Variants in AKAP19 observed in about 807,000 individuals in gnomAD.
AKAP19 encodes small A-kinase anchoring protein.
the AKAP19 span, among the ~76,000 whole-genome samples, chr2:189,910,617 C>T: frequency 6.6e-6 from 1 of 151,900 alleles, no homozygotes; most frequent in African/African-American, 2.4e-5. Flanking sequence ...TCTCCCCCCA[C>T]CACCATCTCT....
the AKAP19 span, among the ~76,000 whole-genome samples, chr2:189,929,945 T>C: frequency 6.6e-6 from 1 of 152,218 alleles, no homozygotes; most frequent in South Asian, 2.1e-4. Flanking sequence ...CTTTTGCTTA[T>C]CTTCAGTACA....
chr2:190,047,476 G>A, the AKAP19 span, among the ~76,000 whole-genome samples: 1 of 152,318 alleles, frequency 6.6e-6, no homozygotes, highest in South Asian at 2.1e-4. Flanking sequence ...CAGGACAAGT[G>A]TCAACTGGGT....
the AKAP19 span, among the ~76,000 whole-genome samples, chr2:190,188,240 A>G: frequency 1.3e-5 from 2 of 152,368 alleles, no homozygotes; most frequent in South Asian, 2.1e-4. Flanking sequence ...TAGACACTCA[A>G]TATAGACTGG....
At chr2:189,927,316 A>T in the AKAP19 span, among the ~76,000 whole-genome samples, 1 of 152,200 alleles carries the variant, frequency 6.6e-6, no homozygotes, top group African/African-American at 2.4e-5. Flanking sequence ...TATATTATAC[A>T]CTTTTGGTCA....
the AKAP19 span, among the ~76,000 whole-genome samples, chr2:189,982,411 G>T: frequency 6.6e-6 from 1 of 151,708 alleles, no homozygotes; most frequent in Non-Finnish European, 1.5e-5. Flanking sequence ...CATTTTTCTG[G>T]TTGGTTTGTA....
the AKAP19 span, among the ~76,000 whole-genome samples, chr2:190,030,379 T>G: frequency 6.6e-6 from 1 of 152,234 alleles, no homozygotes; most frequent in African/African-American, 2.4e-5. Context: ...TTCCAGGCTC[T>G]TCTGTTTCTG....
chr2:190,066,290 G>A, the AKAP19 span, among the ~76,000 whole-genome samples: 1 of 152,072 alleles, frequency 6.6e-6, no homozygotes, highest in East Asian at 1.9e-4. Context: ...AAACAATGTT[G>A]AGGGTATAAA....
At chr2:190,017,064 C>T in the AKAP19 span, among the ~76,000 whole-genome samples, 1 of 152,082 alleles carries the variant, frequency 6.6e-6, no homozygotes, top group Non-Finnish European at 1.5e-5. Context: ...TACAGTTTGA[C>T]TTGAAGTCTG....
At chr2:189,904,509 T>C in the AKAP19 span, among the ~76,000 whole-genome samples, 72 of 152,166 alleles carry the variant, frequency 4.7e-4, no homozygotes, top group African/African-American at 1.7e-3. Context: ...GGGAAAAGGG[T>C]ACGTTACTGG....
the AKAP19 span, among the ~76,000 whole-genome samples, chr2:190,013,359 G>C: frequency 1.3e-5 from 2 of 151,966 alleles, no homozygotes; most frequent in South Asian, 2.1e-4. Flanking sequence ...GTCTAGGAAT[G>C]TATTTCTTCT....
chr2:190,203,428 A>G, the AKAP19 span: 9 of 166,818 alleles, frequency 5.4e-5, no homozygotes, highest in Non-Finnish European at 1.0e-4. Flanking sequence ...TTTTCCAAAT[A>G]TTTTTCTGAA....
At chr2:190,054,570 T>A in the AKAP19 span, among the ~76,000 whole-genome samples, 6 of 152,020 alleles carry the variant, frequency 3.9e-5, no homozygotes, top group Non-Finnish European at 8.8e-5. Context: ...GGGAGAAAAT[T>A]TTTGCAACCT....
At chr2:189,985,932 T>A in the AKAP19 span, among the ~76,000 whole-genome samples, 1 of 152,162 alleles carries the variant, frequency 6.6e-6, no homozygotes, top group African/African-American at 2.4e-5. Context: ...ATTATCTACT[T>A]GGGTGTCCTC....
chr2:189,920,950 A>G, the AKAP19 span, among the ~76,000 whole-genome samples: 3 of 152,116 alleles, frequency 2.0e-5, no homozygotes, highest in African/African-American at 7.2e-5. Flanking sequence ...TGCAAAGTCA[A>G]TTGCTACACC....
At chr2:190,047,441 C>T in the AKAP19 span, among the ~76,000 whole-genome samples, 6 of 152,222 alleles carry the variant, frequency 3.9e-5, no homozygotes, top group African/African-American at 1.2e-4. Context: ...CCCGCAGCAC[C>T]TTGTGTAAGG....
chr2:190,068,122 G>C, the AKAP19 span, among the ~76,000 whole-genome samples: 1 of 152,088 alleles, frequency 6.6e-6, no homozygotes, highest in Non-Finnish European at 1.5e-5. Flanking sequence ...TCAAAGACTT[G>C]CTGTTAAAAT....
chr2:190,179,960 C>T, the AKAP19 span, among the ~76,000 whole-genome samples: 2,146 of 152,156 alleles, frequency 0.014, 27 homozygotes, highest in Middle Eastern at 0.024. The surrounding 1 kb of genome is among the most constrained non-coding windows in gnomAD (Gnocchi z 6.0). Flanking sequence ...ATGGACTGTG[C>T]GGGGAAGTGT....
the AKAP19 span, chr2:190,181,243 G>A: frequency 7.2e-5 from 54 of 746,910 alleles, no homozygotes; most frequent in African/African-American, 9.2e-4. Flanking sequence ...AAACGAGACC[G>A]TTCTCAGCCA....
At chr2:189,942,263 T>A in the AKAP19 span, among the ~76,000 whole-genome samples, 4 of 140,296 alleles carry the variant, frequency 2.9e-5, no homozygotes, top group Non-Finnish European at 5.9e-5. Context: ...GTGTGTCACC[T>A]CCCCACTCAA....
Sources: allele counts gnomAD v4.1 joint callset (sites outside exome capture counted in the v4.1 genomes callset), GRCh38; gene constraint gnomAD v4.1.1; non-coding constraint Gnocchi (gnomAD v3.1); transcripts MANE v1.5; gene names NCBI Gene and HGNC (gene_info 2026-07-23, HGNC 2026-07-21).